NAALADL2: variants seen among roughly 807,000 people sequenced by gnomAD.
NAALADL2 encodes the protein inactive N-acetylated-alpha-linked acidic dipeptidase-like protein 2.
A neutral mutation model predicts 87.2 loss-of-function variants in NAALADL2; 76 were observed. That is an observed-to-expected ratio of 0.87 (90% CI 0.72 to 1.05). The LOEUF (loss-of-function observed/expected upper bound fraction) is 1.05, where lower values mean the gene tolerates loss of function less well. Ranked by LOEUF, NAALADL2 falls within the 50% of genes least tolerant of loss-of-function variation. The pLI is 0.00. For missense variants in NAALADL2, 1,089 were observed against 945.8 expected, an observed-to-expected ratio of 1.15 and a Z score of -1.99; for synonymous variants, 354 against 331.0, an observed-to-expected ratio of 1.07 and a Z score of -0.75.
intron 1 of NAALADL2, among the ~76,000 whole-genome samples, chr3:175,046,001 C>G (rs1320004338): frequency 7.0e-6 from 1 of 143,294 alleles, no homozygotes; most frequent in Admixed American, 7.1e-5. Flanking sequence ...GTTAATATGT[C>G]TAGACTTTAT....
intron 5 of NAALADL2, among the ~76,000 whole-genome samples, chr3:175,415,047 T>C (rs1182799570): frequency 6.6e-6 from 1 of 152,220 alleles, no homozygotes; most frequent in Non-Finnish European, 1.5e-5. Context: ...TTCTTGACTT[T>C]TCCCTTTTGA....
chr3:174,542,106 C>T (rs957422258), intron 1 of NAALADL2, among the ~76,000 whole-genome samples: 2 of 152,176 alleles, frequency 1.3e-5, no homozygotes, highest in East Asian at 1.9e-4. Flanking sequence ...CAGGTGTTGC[C>T]GTGGCATTTG....
chr3:175,159,285 T>C (rs930669820), intron 2 of NAALADL2, among the ~76,000 whole-genome samples: 2 of 152,154 alleles, frequency 1.3e-5, no homozygotes, highest in Admixed American at 1.3e-4. Flanking sequence ...TTGGGTTTGA[T>C]TGATATCAAA....
At chr3:175,359,334 G>A (rs1032419641) in intron 5 of NAALADL2, among the ~76,000 whole-genome samples, 23 of 151,972 alleles carry the variant, frequency 1.5e-4, no homozygotes, top group Non-Finnish European at 3.4e-4. Context: ...TTGAATTAAT[G>A]ATTTTTCCAA....
intron 1 of NAALADL2, among the ~76,000 whole-genome samples, chr3:175,038,711 ACCTTCTGATTCAGAATAT>A (rs921417048): frequency 3.3e-5 from 5 of 152,170 alleles, no homozygotes; most frequent in Admixed American, 2.6e-4. Flanking sequence ...AAACTGAATG[ACCTTCTGATTCAGAATAT>A]CTGGGTTTAG....
intron 11 of NAALADL2, among the ~76,000 whole-genome samples, chr3:175,691,027 G>T (rs1302253266): frequency 2.6e-5 from 4 of 151,324 alleles, no homozygotes; most frequent in Non-Finnish European, 5.9e-5. Flanking sequence ...TTTATTACTT[G>T]TAGTTGAATC....
chr3:175,467,437 G>C (rs1404496240), intron 8 of NAALADL2, among the ~76,000 whole-genome samples: 1 of 152,106 alleles, frequency 6.6e-6, no homozygotes, highest in Non-Finnish European at 1.5e-5. Context: ...ACACACAATA[G>C]TGTTTACCTT....
intron 4 of NAALADL2, among the ~76,000 whole-genome samples, chr3:175,278,325 T>C (rs956337719): frequency 6.6e-6 from 1 of 152,192 alleles, no homozygotes; most frequent in East Asian, 1.9e-4. Context: ...TTAATAACAA[T>C]GGATGCATCT....
intron 9 of NAALADL2, among the ~76,000 whole-genome samples, chr3:175,549,432 T>C (rs1713970749): frequency 6.6e-6 from 1 of 152,010 alleles, no homozygotes; most frequent in Non-Finnish European, 1.5e-5. Flanking sequence ...TTTTGGTCTA[T>C]ATGAATCTAA....
At chr3:175,794,415 T>C (rs1753205673) in intron 13 of NAALADL2, among the ~76,000 whole-genome samples, 1 of 152,178 alleles carries the variant, frequency 6.6e-6, no homozygotes. Flanking sequence ...TGTATCACTG[T>C]CTTCTCCAAA....
chr3:174,715,458 C>A (rs1378302121), intron 2 of NAALADL2, among the ~76,000 whole-genome samples: 1 of 152,106 alleles, frequency 6.6e-6, no homozygotes, highest in African/African-American at 2.4e-5. Flanking sequence ...TGGTGGTAGA[C>A]TCACATATTT....
intron 1 of NAALADL2, among the ~76,000 whole-genome samples, chr3:174,882,235 C>G (rs185594861): frequency 6.6e-6 from 1 of 151,796 alleles, no homozygotes; most frequent in Non-Finnish European, 1.5e-5. Flanking sequence ...TATAAAAATG[C>G]AAAACTATGT....
intron 12 of NAALADL2, among the ~76,000 whole-genome samples, chr3:175,739,904 A>C (rs1363237657): frequency 6.6e-6 from 1 of 152,232 alleles, no homozygotes; most frequent in South Asian, 2.1e-4. Flanking sequence ...ACAAATTTGC[A>C]TTCCCAAAAT....
intron 11 of NAALADL2, among the ~76,000 whole-genome samples, chr3:175,729,001 C>T (rs2150056385): frequency 6.6e-6 from 1 of 152,266 alleles, no homozygotes; most frequent in Admixed American, 6.5e-5. Context: ...GAATACCTTT[C>T]TCATTTTACA....
intron 2 of NAALADL2, among the ~76,000 whole-genome samples, chr3:174,709,331 A>G (rs1019656151): frequency 2.6e-5 from 4 of 152,144 alleles, no homozygotes; most frequent in African/African-American, 9.6e-5. Context: ...GTTCATTGTT[A>G]TAATATAAAA....
chr3:175,047,277 CATT>C, intron 1 of NAALADL2, among the ~76,000 whole-genome samples: 1 of 152,252 alleles, frequency 6.6e-6, no homozygotes, highest in Admixed American at 6.5e-5. Context: ...TTCACATTGT[CATT>C]ATTTGATCTT....
At chr3:175,482,781 GA>G (rs1489172310) in intron 9 of NAALADL2, among the ~76,000 whole-genome samples, 2 of 151,444 alleles carry the variant, frequency 1.3e-5, no homozygotes, top group African/African-American at 2.4e-5. Context: ...TATTGGTCTG[GA>G]AAATTTATGA....
intron 3 of NAALADL2, among the ~76,000 whole-genome samples, chr3:174,820,155 T>G (rs965512825): frequency 6.6e-6 from 1 of 152,220 alleles, no homozygotes; most frequent in Non-Finnish European, 1.5e-5. Context: ...CTGCTCACTC[T>G]GCCACAATAC....
Position 175,097,248 on chromosome 3 carries a change from A to T in NAALADL2, c.502A>T (p.Ile168Phe), listed in dbSNP as rs750946630. 6.8e-6 allele frequency: 11 copies of T among 1,613,102 alleles called. No individual in the cohort carries two copies. Among genetic ancestry groups the T allele is most frequent in the African/African-American group, 2.7e-5 (2 of 74,852 alleles). The change falls in exon 2 of 14, where the codon ATT becomes TTT. Residue 168 changes from isoleucine to phenylalanine, a missense_variant. Transcript: ENST00000454872. ...AGTTGATCCTCAGTTATATCAAGAG[A>T]TTCTCAAGACAATCCAGGCAGAAGA... ...GTVDPQLYQE[I>F]LKTIQAEDIK...
Sources: allele counts gnomAD v4.1 joint callset (sites outside exome capture counted in the v4.1 genomes callset), GRCh38; gene constraint gnomAD v4.1.1; transcripts MANE v1.5; gene names NCBI Gene and HGNC (gene_info 2026-07-23, HGNC 2026-07-21).